NEBL: variants seen among roughly 807,000 people sequenced by gnomAD.
The protein encoded by NEBL is LIM and SH3 protein 2.
NEBL carries 122 observed loss-of-function variants against 140.2 expected under a neutral mutation model. The observed-to-expected ratio is 0.87, with a 90% CI of 0.75 to 1.01. The LOEUF is 1.01. NEBL is among the 50% of genes least tolerant of loss of function. The pLI is 0.00. For synonymous variants in NEBL, 436 were observed against 398.9 expected (o/e 1.09, Z -1.11); for missense variants, 1,365 against 1,231.3 (o/e 1.11, Z -1.62).
intron 2 of NEBL, among the ~76,000 whole-genome samples, chr10:21,158,553 C>A (rs959846492): frequency 6.6e-6 from 1 of 152,074 alleles, no homozygotes; most frequent in African/African-American, 2.4e-5. Flanking sequence ...AACGTCAGCC[C>A]CAGAAGGGAA....
intron 2 of NEBL, among the ~76,000 whole-genome samples, chr10:21,079,996 C>T (rs754346161): frequency 4.6e-5 from 7 of 152,168 alleles, no homozygotes; most frequent in Non-Finnish European, 8.8e-5. Flanking sequence ...TACGCTATTG[C>T]TTTGAACAGC....
intron 5 of NEBL, among the ~76,000 whole-genome samples, chr10:20,874,902 G>A (rs1588903286): frequency 6.6e-6 from 1 of 151,738 alleles, no homozygotes; most frequent in East Asian, 1.9e-4. Context: ...ACCACACCCA[G>A]ATAGTTTTTG....
At chr10:20,925,340 T>A (rs145675376) in intron 4 of NEBL, among the ~76,000 whole-genome samples, 1 of 152,320 alleles carries the variant, frequency 6.6e-6, no homozygotes, top group Admixed American at 6.5e-5. Context: ...AATATTTGTA[T>A]CAACATTAGG....
At chr10:20,963,519 AG>A (rs1355231571) in intron 3 of NEBL, among the ~76,000 whole-genome samples, 23 of 152,168 alleles carry the variant, frequency 1.5e-4, no homozygotes, top group African/African-American at 4.8e-4. Flanking sequence ...AGAGGTGAAA[AG>A]AAAAACCAAT....
intron 25 of NEBL, among the ~76,000 whole-genome samples, chr10:20,809,100 G>A (rs1241524349): frequency 6.6e-6 from 1 of 152,116 alleles, no homozygotes; most frequent in African/African-American, 2.4e-5. Context: ...TTCCTGCTTT[G>A]CCTTGGGTAT....
intron 5 of NEBL, among the ~76,000 whole-genome samples, chr10:20,878,301 T>C (rs1005066243): frequency 6.6e-6 from 1 of 152,216 alleles, no homozygotes; most frequent in Non-Finnish European, 1.5e-5. Context: ...ATAAAAAAGT[T>C]AGGCAAAGAT....
intron 25 of NEBL, among the ~76,000 whole-genome samples, chr10:20,809,488 GAAAC>G (rs1837919905): frequency 6.6e-6 from 1 of 152,028 alleles, no homozygotes; most frequent in East Asian, 1.9e-4. Context: ...TGTATTTCAT[GAAAC>G]AAACCTCCTT....
chr10:20,992,726 G>A (rs1264303029), intron 3 of NEBL, among the ~76,000 whole-genome samples: 1 of 147,342 alleles, frequency 6.8e-6, no homozygotes, highest in Admixed American at 6.7e-5. Context: ...TTCTCCGTAG[G>A]CCAACTACAA....
At chr10:20,956,260 T>A (rs1835800461) in intron 4 of NEBL, among the ~76,000 whole-genome samples, 1 of 152,212 alleles carries the variant, frequency 6.6e-6, no homozygotes, top group African/African-American at 2.4e-5. Context: ...GAGGAGCGGT[T>A]GTTCAGAGGA....
At chr10:20,910,450 G>A (rs1292672886) in intron 4 of NEBL, among the ~76,000 whole-genome samples, 3 of 152,164 alleles carry the variant, frequency 2.0e-5, no homozygotes, top group African/African-American at 7.2e-5. Context: ...ACTGTATTCT[G>A]TTTTTTGGCC....
At chr10:21,276,005 C>G (rs1349937579) in intron 1 of NEBL, among the ~76,000 whole-genome samples, 1 of 143,124 alleles carries the variant, frequency 7.0e-6, no homozygotes, top group East Asian at 2.1e-4. Flanking sequence ...GAGCCTCACT[C>G]TGTTGCCCAG....
intron 2 of NEBL, among the ~76,000 whole-genome samples, chr10:21,148,158 G>A (rs1839981772): frequency 1.3e-5 from 2 of 152,214 alleles, no homozygotes; most frequent in South Asian, 2.1e-4. Flanking sequence ...AGACAAAGAT[G>A]TGTGGTGGGA....
chr10:21,122,212 G>A (rs971489379), intron 2 of NEBL, among the ~76,000 whole-genome samples: 10 of 152,044 alleles, frequency 6.6e-5, no homozygotes, highest in Admixed American at 1.3e-4. Flanking sequence ...TTTTAATAGA[G>A]ACAGGGTTTC....
intron 3 of NEBL, among the ~76,000 whole-genome samples, chr10:20,966,368 G>C (rs1836317097): frequency 6.6e-6 from 1 of 152,096 alleles, no homozygotes; most frequent in African/African-American, 2.4e-5. Flanking sequence ...TAACACTCCT[G>C]ATCCTCAGAA....
At chr10:20,875,057 C>T (rs1290186189) in intron 5 of NEBL, among the ~76,000 whole-genome samples, 1 of 152,140 alleles carries the variant, frequency 6.6e-6, no homozygotes, top group East Asian at 1.9e-4. Context: ...TTCTACAGTG[C>T]CAAATCTGTT....
At chr10:21,166,250 AG>A (rs1362127629) in intron 2 of NEBL, among the ~76,000 whole-genome samples, 33 of 108,354 alleles carry the variant, frequency 3.0e-4, no homozygotes, top group Non-Finnish European at 3.7e-4. Flanking sequence ...AAAAAAGAAA[AG>A]AAAAAAAAAT....
intron 2 of NEBL, among the ~76,000 whole-genome samples, chr10:20,890,454 A>C (rs1250992499): frequency 2.6e-5 from 4 of 152,228 alleles, no homozygotes; most frequent in Admixed American, 6.5e-5. Flanking sequence ...ATGCTTGATT[A>C]GAGGAAGAGG....
chr10:20,837,478 T>C (rs941652383), intron 13 of NEBL, among the ~76,000 whole-genome samples: 2 of 151,978 alleles, frequency 1.3e-5, no homozygotes, highest in African/African-American at 4.8e-5. Flanking sequence ...CTAGCAGAGG[T>C]TGGTTCATGA....
At chr10:20,886,515 C>A (rs1353803387) in intron 4 of NEBL, among the ~76,000 whole-genome samples, 1 of 151,924 alleles carries the variant, frequency 6.6e-6, no homozygotes, top group Non-Finnish European at 1.5e-5. Flanking sequence ...GGTGACCAAG[C>A]AAGACTCCAT....
Sources: allele counts gnomAD v4.1 joint callset (sites outside exome capture counted in the v4.1 genomes callset), GRCh38; gene constraint gnomAD v4.1.1; transcripts MANE v1.5; gene names NCBI Gene and HGNC (gene_info 2026-07-23, HGNC 2026-07-21).